The following TACR1 variants were observed in gnomAD, a reference collection of about 807,000 sequenced individuals.
TACR1 encodes substance-P receptor.
In TACR1, 25 loss-of-function variants were observed where a neutral mutation model predicts 35.8. That is an observed-to-expected ratio of 0.70 (90% CI 0.51 to 0.98). The LOEUF (loss-of-function observed/expected upper bound fraction) is 0.98, where lower values mean the gene tolerates loss of function less well. TACR1 is among the 50% of genes least tolerant of loss of function. The probability of loss-of-function intolerance (pLI) is 0.00; values close to 1 mark genes in which losing one functional copy is unlikely to be tolerated. For synonymous variants in TACR1, 195 were observed against 206.7 expected, an observed-to-expected ratio of 0.94 and a Z score of 0.48; for missense variants, 478 against 522.9, an observed-to-expected ratio of 0.91 and a Z score of 0.84.
rs1676080043 is a variant in TACR1, at chr2:75,199,507, G to A, written c.-573C>T. 1 of 158,558 alleles carries A rather than the reference G, an allele frequency of 6.3e-6. No individual in the cohort carries two copies. The highest frequency in any genetic ancestry group is 1.4e-5 in the Non-Finnish European group (1 of 71,386). The allele number at this position is 158,558 out of a possible 1,614,324, so 9.8% of individuals were successfully genotyped here. On this transcript the variant is annotated 5_prime_UTR_variant, in exon 1 of 5. Coordinates refer to ENST00000305249, the MANE Select transcript of TACR1 (RefSeq NM_001058.4). ...CAGTTTCGCGGGCACCTCTCGGTTCGGGTTGCTCAGCTCGCGAGTTAGCTG... is the reference window on the plus strand; with the variant it reads ...CAGTTTCGCGGGCACCTCTCGGTTCAGGTTGCTCAGCTCGCGAGTTAGCTG...
At chr2:75,172,476 C>T (rs964738104) in intron 1 of TACR1, among the ~76,000 whole-genome samples, 4 of 152,024 alleles carry the variant, frequency 2.6e-5, no homozygotes, top group Non-Finnish European at 4.4e-5. Context: ...GGGCTGTCCC[C>T]CGTCTAGGCA....
At chr2:75,138,252 C>G (rs767518168) in intron 1 of TACR1, among the ~76,000 whole-genome samples, 1 of 152,184 alleles carries the variant, frequency 6.6e-6, no homozygotes, top group Admixed American at 6.5e-5. Context: ...CTGGGAATGG[C>G]TCAGTCACAG....
chr2:75,141,728 G>C (rs903480050), intron 1 of TACR1, among the ~76,000 whole-genome samples: 7 of 152,186 alleles, frequency 4.6e-5, no homozygotes, highest in African/African-American at 7.2e-5. Flanking sequence ...TCCCCAAAAA[G>C]GACTTATATG....
rs563720207 is a variant in TACR1 at position 75,060,125 on chromosome 2, A to G, written c.585-6370T>C. Among the ~76,000 whole-genome samples the G allele has an allele frequency of 7.2e-5, 11 of 152,238 alleles. No homozygotes were observed. In the South Asian group the frequency reaches 1.0e-3, roughly 14 times the overall value. On this transcript the variant is annotated intron_variant, in intron 2 of 4. Transcript: ENST00000305249. ...GCTAGGGGCTGGGGACACTGAGGAG[A>G]GTTCTAGTCATTGTTTTCTTCTTCC...
At chr2:75,094,773 G>T (rs562639579) in intron 2 of TACR1, among the ~76,000 whole-genome samples, 1 of 150,254 alleles carries the variant, frequency 6.7e-6, no homozygotes, top group East Asian at 2.0e-4. Context: ...AGCGTTCAAG[G>T]ATGGGCAAGA....
intron 2 of TACR1, among the ~76,000 whole-genome samples, chr2:75,113,079 A>G (rs1303779416): frequency 6.6e-6 from 1 of 152,226 alleles, no homozygotes; most frequent in Non-Finnish European, 1.5e-5. Context: ...AGTATTTGAA[A>G]GATTTTTCCC....
chr2:75,144,534 C>T (rs1674467359), intron 1 of TACR1, among the ~76,000 whole-genome samples: 2 of 152,264 alleles, frequency 1.3e-5, no homozygotes, highest in South Asian at 4.1e-4. Context: ...ACAGAAAAAT[C>T]ACTGGGTCTA....
intron 2 of TACR1, among the ~76,000 whole-genome samples, chr2:75,082,520 A>T (rs1359906298): frequency 2.0e-5 from 3 of 152,194 alleles, no homozygotes; most frequent in South Asian, 2.1e-4. Flanking sequence ...ACAATGGTTG[A>T]ACTAGTTTAC....
chr2:75,077,040 GGCTCACCGTAACTTCT>G (rs1672994547), intron 2 of TACR1, among the ~76,000 whole-genome samples: 1 of 151,994 alleles, frequency 6.6e-6, no homozygotes, highest in South Asian at 2.1e-4. Flanking sequence ...GCTCGATCTT[GGCTCACCGTAACTTCT>G]GCCTTCTGGG....
intron 1 of TACR1, among the ~76,000 whole-genome samples, chr2:75,131,088 T>A (rs1177647384): frequency 6.6e-6 from 1 of 151,264 alleles, no homozygotes; most frequent in Admixed American, 6.6e-5. Flanking sequence ...AATGAGCCAA[T>A]TTTTTTTTCT....
At chr2:75,134,819 C>T (rs762261612) in intron 1 of TACR1, among the ~76,000 whole-genome samples, 3 of 152,158 alleles carry the variant, frequency 2.0e-5, no homozygotes, top group Non-Finnish European at 2.9e-5. Context: ...ATTAACTTAA[C>T]GATCCCTTTC....
chr2:75,114,623 C>A lies in TACR1; in HGVS notation c.584+5951G>T, dbSNP rs113615975. On this transcript the variant is annotated intron_variant, in intron 2 of 4. Coordinates refer to ENST00000305249, the MANE Select transcript of TACR1 (RefSeq NM_001058.4). ...AAAAGGAAAGGGTCAGTGCATTTTG[C>A]AAAGTCAAATTTTTCTTCTTTATAC... is the stretch of plus-strand genomic sequence containing the variant. 5.2e-3 allele frequency among the ~76,000 whole-genome samples: 792 copies of A among 152,274 alleles called. 8 individuals are homozygous for A. The highest frequency in any genetic ancestry group is 0.018 in the African/African-American group (734 of 41,554).
intron 1 of TACR1, chr2:75,154,528 TC>T (rs1410461834): frequency 9.0e-6 from 1 of 110,582 alleles, no homozygotes; most frequent in Non-Finnish European, 1.8e-5. Flanking sequence ...ACACACACAC[TC>T]TCTGAAGAAA....
intron 1 of TACR1, among the ~76,000 whole-genome samples, chr2:75,183,607 C>G (rs982524469): frequency 5.9e-5 from 9 of 152,120 alleles, no homozygotes; most frequent in Non-Finnish European, 1.3e-4. Flanking sequence ...GATGGAGTAC[C>G]GAAGTTCTGC....
chr2:75,049,716 G>T lies in TACR1; in HGVS notation c.940C>A (p.Leu314Met), dbSNP rs771891340. ...CACCGGAAGGCATGCTTGAAGCCCA[G>T]ACGGAACCTGGAGAGCGAGCAGATG... The part of the protein sequence containing the change: ...IYCCLNDRFR[L>M]GFKHAFRCCP... Residue 314 changes from leucine to methionine, a missense_variant, in exon 5 of 5, where the codon CTG (leucine) becomes ATG (methionine). Physicochemically the swap from Leu to Met is conservative, Grantham distance 15. Transcript: ENST00000305249. 4 of 1,612,722 alleles carry T rather than the reference G, an allele frequency of 2.5e-6. No homozygotes were observed. The Admixed American group carries it at 6.7e-5, about 27-fold the overall frequency.
intron 2 of TACR1, among the ~76,000 whole-genome samples, chr2:75,119,308 C>G (rs1673919823): frequency 6.6e-6 from 1 of 152,190 alleles, no homozygotes; most frequent in African/African-American, 2.4e-5. Flanking sequence ...GGAAACAGAG[C>G]TCTATTATCT....
intron 2 of TACR1, among the ~76,000 whole-genome samples, chr2:75,108,092 A>G (rs538815667): frequency 6.6e-6 from 1 of 152,226 alleles, no homozygotes; most frequent in East Asian, 1.9e-4. Context: ...TTTCTTTCAT[A>G]AAGGGCTCAA....
At chr2:75,187,753 C>T (rs993604861) in intron 1 of TACR1, 1 of 152,188 alleles carries the variant, frequency 6.6e-6, no homozygotes, top group Non-Finnish European at 1.5e-5. Flanking sequence ...TGGGGAGTGC[C>T]TCAATGCAGA....
chr2:75,098,975 G>A (rs995995248), intron 2 of TACR1, among the ~76,000 whole-genome samples: 1 of 151,352 alleles, frequency 6.6e-6, no homozygotes, highest in Non-Finnish European at 1.5e-5. Flanking sequence ...GGTGGAGTGA[G>A]GGTTCTCCTG....
Sources: allele counts gnomAD v4.1 joint callset (sites outside exome capture counted in the v4.1 genomes callset), GRCh38; gene constraint gnomAD v4.1.1; transcripts MANE v1.5; gene names NCBI Gene and HGNC (gene_info 2026-07-23, HGNC 2026-07-21).